RABGAP1L: variants seen among roughly 807,000 people sequenced by gnomAD.
The protein encoded by RABGAP1L is RAB GTPase activating protein 1 like, also known as rab GTPase-activating protein 1-like.
A neutral mutation model predicts 137.7 loss-of-function variants in RABGAP1L; 63 were observed. The observed-to-expected ratio is 0.46, with a 90% CI of 0.37 to 0.56. RABGAP1L has a LOEUF of 0.56. Ranked by LOEUF, RABGAP1L falls within the 20% of genes least tolerant of loss-of-function variation. The pLI is 0.00. For synonymous variants in RABGAP1L, 431 were observed against 433.7 expected (o/e 0.99, Z 0.08); for missense variants, 1,095 against 1,244.0 (o/e 0.88, Z 1.80).
At chr1:174,384,271 A>G (rs1344577326) in intron 12 of RABGAP1L, among the ~76,000 whole-genome samples, 1 of 152,192 alleles carries the variant, frequency 6.6e-6, no homozygotes, top group East Asian at 1.9e-4. Flanking sequence ...GACTGGTGGT[A>G]TTGACTACAA....
At chr1:174,320,824 A>G (rs1283833573) in intron 11 of RABGAP1L, among the ~76,000 whole-genome samples, 1 of 152,106 alleles carries the variant, frequency 6.6e-6, no homozygotes, top group Non-Finnish European at 1.5e-5. Context: ...TAACTGCACA[A>G]ACTGTTCGTA....
At chr1:174,279,711 T>A (rs1390261925) in intron 10 of RABGAP1L, among the ~76,000 whole-genome samples, 1 of 152,212 alleles carries the variant, frequency 6.6e-6, no homozygotes, top group Non-Finnish European at 1.5e-5. Flanking sequence ...TGTGAACTGC[T>A]TTTATAGCAT....
chr1:174,764,123 C>G (rs545763085), intron 18 of RABGAP1L, among the ~76,000 whole-genome samples: 2 of 152,106 alleles, frequency 1.3e-5, no homozygotes, highest in African/African-American at 2.4e-5. Flanking sequence ...TTATCCATGT[C>G]GTAGCATATA....
chr1:174,790,863 T>G (rs1687803128), intron 18 of RABGAP1L, among the ~76,000 whole-genome samples: 1 of 151,848 alleles, frequency 6.6e-6, no homozygotes, highest in South Asian at 2.1e-4. Context: ...TATTACCACC[T>G]TTGTTTCACA....
chr1:174,284,483 C>A (rs545887356), intron 10 of RABGAP1L, among the ~76,000 whole-genome samples: 1 of 152,254 alleles, frequency 6.6e-6, no homozygotes, highest in African/African-American at 2.4e-5. Flanking sequence ...TATATTCATT[C>A]ATTCATTGAC....
chr1:174,717,990 G>C (rs1045030146), intron 17 of RABGAP1L, among the ~76,000 whole-genome samples: 4 of 152,314 alleles, frequency 2.6e-5, no homozygotes. Context: ...GGCTTCCTCT[G>C]TCTGCTGCTT....
chr1:174,561,204 G>A (rs531532604), intron 13 of RABGAP1L, among the ~76,000 whole-genome samples: 2 of 152,268 alleles, frequency 1.3e-5, no homozygotes, highest in East Asian at 1.9e-4. Flanking sequence ...AAAATCACAA[G>A]CATTCCTATG....
intron 11 of RABGAP1L, among the ~76,000 whole-genome samples, chr1:174,335,949 G>C (rs16846857): frequency 0.018 from 2,718 of 152,206 alleles, 83 homozygotes; most frequent in African/African-American, 0.062. Context: ...TAAGTGTCCA[G>C]GTTCATGGTA....
chr1:174,961,059 G>C (rs1013891101), intron 20 of RABGAP1L, among the ~76,000 whole-genome samples: 1 of 152,156 alleles, frequency 6.6e-6, no homozygotes, highest in Non-Finnish European at 1.5e-5. Context: ...GATTCCAAGA[G>C]ACAGAAAGGA....
At chr1:174,351,971 T>G (rs1209919781) in intron 11 of RABGAP1L, among the ~76,000 whole-genome samples, 3 of 151,874 alleles carry the variant, frequency 2.0e-5, no homozygotes, top group Non-Finnish European at 4.4e-5. Flanking sequence ...CTGGCTAATT[T>G]TTTTGCTTTT....
intron 19 of RABGAP1L, among the ~76,000 whole-genome samples, chr1:174,900,303 T>C (rs1217391922): frequency 6.6e-6 from 1 of 152,234 alleles, no homozygotes; most frequent in Non-Finnish European, 1.5e-5. Flanking sequence ...GAGCCCCGCT[T>C]ACAGAATTTT....
chr1:174,864,706 G>A, intron 19 of RABGAP1L, among the ~76,000 whole-genome samples: 1 of 152,160 alleles, frequency 6.6e-6, no homozygotes, highest in East Asian at 1.9e-4. Flanking sequence ...ACTTTGTCTG[G>A]GGACACAGCC....
At chr1:174,856,798 G>A (rs918998855) in intron 19 of RABGAP1L, among the ~76,000 whole-genome samples, 5 of 151,720 alleles carry the variant, frequency 3.3e-5, no homozygotes, top group Admixed American at 6.6e-5. Context: ...GTGCTGGTGC[G>A]CACCTGTAAT....
At chr1:174,913,211 A>G (rs1242706435) in intron 19 of RABGAP1L, among the ~76,000 whole-genome samples, 1 of 152,054 alleles carries the variant, frequency 6.6e-6, no homozygotes, top group Non-Finnish European at 1.5e-5. Flanking sequence ...CCTGACCTCA[A>G]GTGATCTGCC....
intron 11 of RABGAP1L, chr1:174,367,357 T>C (rs549642338): frequency 5.7e-6 from 1 of 175,960 alleles, no homozygotes. Context: ...GGGTTATCAA[T>C]AGATACAGTC....
At chr1:174,365,186 A>T (rs1684505227) in intron 11 of RABGAP1L, 1 of 152,370 alleles carries the variant, frequency 6.6e-6, no homozygotes, top group Non-Finnish European at 1.5e-5. Flanking sequence ...TTTTCTCAGG[A>T]TCCCAAAGTG....
intron 1 of RABGAP1L, among the ~76,000 whole-genome samples, chr1:174,218,794 T>A (rs1363116056): frequency 6.6e-6 from 1 of 152,150 alleles, no homozygotes. Flanking sequence ...AATTATTTCC[T>A]CTATTAAAAA....
At position 174,761,615 on chromosome 1, in the gene RABGAP1L, C is replaced by G. The variant is rs1177920501; in HGVS notation, c.2211+9261C>G. 6.6e-6 allele frequency among the ~76,000 whole-genome samples: 1 copy of G among 152,220 alleles called. No individual in the cohort carries two copies. Among genetic ancestry groups the G allele is most frequent in the Non-Finnish European group, 1.5e-5 (1 of 68,040 alleles). ...GTGCGGCCGCCAGGCAGAGGCACTC[C>G]TCACTTCCCAGACGGAGACAGTGTG... On this transcript the variant is annotated intron_variant, in intron 18 of 25. Transcript: ENST00000681986. This position sits in a 1 kb window ranked among gnomAD's most constrained non-coding sequence, Gnocchi z 4.0.
At chr1:174,794,865 A>C (rs1008172101) in intron 18 of RABGAP1L, among the ~76,000 whole-genome samples, 8 of 152,182 alleles carry the variant, frequency 5.3e-5, no homozygotes, top group Non-Finnish European at 5.9e-5. Flanking sequence ...TCATTTTTGT[A>C]ACTACTGAAA....
Sources: allele counts gnomAD v4.1 joint callset (sites outside exome capture counted in the v4.1 genomes callset), GRCh38; gene constraint gnomAD v4.1.1; non-coding constraint Gnocchi (gnomAD v3.1); transcripts MANE v1.5; gene names NCBI Gene and HGNC (gene_info 2026-07-23, HGNC 2026-07-21).